FRMD5: variants seen among roughly 807,000 people sequenced by gnomAD.
The protein encoded by FRMD5 is FERM domain-containing protein 5.
FRMD5 carries 20 observed loss-of-function variants against 69.0 expected under a neutral mutation model. The ratio of observed to expected loss-of-function variants is 0.29; its 90% CI spans 0.20 to 0.42. FRMD5 has a LOEUF of 0.42. FRMD5 is among the 10% of genes least tolerant of loss of function. FRMD5 has a pLI of 1.00. For synonymous variants in FRMD5, 271 were observed against 260.1 expected (o/e 1.04, Z -0.40); for missense variants, 595 against 708.6 (o/e 0.84, Z 1.82).
chr15:44,065,147 A>G (rs1453966297), intron 1 of FRMD5, among the ~76,000 whole-genome samples: 1 of 152,224 alleles, frequency 6.6e-6, no homozygotes, highest in Non-Finnish European at 1.5e-5. Flanking sequence ...AATAACTCAC[A>G]AAGTTGCTAT....
At chr15:43,906,273 C>T (rs1365539470) in intron 5 of FRMD5, among the ~76,000 whole-genome samples, 1 of 152,148 alleles carries the variant, frequency 6.6e-6, no homozygotes, top group Non-Finnish European at 1.5e-5. Context: ...ATCCATTCCG[C>T]CATGAGAAGA....
At chr15:43,963,928 GAT>G (rs1372367652) in intron 1 of FRMD5, among the ~76,000 whole-genome samples, 1 of 152,042 alleles carries the variant, frequency 6.6e-6, no homozygotes, top group Non-Finnish European at 1.5e-5. Context: ...AGGGCGGAGG[GAT>G]AGCATTAGGT....
At chr15:44,077,827 T>C (rs953037312) in intron 1 of FRMD5, among the ~76,000 whole-genome samples, 1 of 152,116 alleles carries the variant, frequency 6.6e-6, no homozygotes, top group Non-Finnish European at 1.5e-5. Context: ...CTATGGAAAG[T>C]AACTGTGCTA....
At chr15:44,141,023 A>AT (rs1329114556) in intron 1 of FRMD5, among the ~76,000 whole-genome samples, 3 of 152,072 alleles carry the variant, frequency 2.0e-5, no homozygotes, top group African/African-American at 2.4e-5. Flanking sequence ...AGAAAATGTA[A>AT]TTTTTTAAAA....
intron 1 of FRMD5, among the ~76,000 whole-genome samples, chr15:43,971,321 ATATT>A (rs1225084624): frequency 2.0e-5 from 3 of 152,154 alleles, no homozygotes; most frequent in South Asian, 4.1e-4. Context: ...TCATTTTAAA[ATATT>A]TGTTTTCTGT....
intron 4 of FRMD5, among the ~76,000 whole-genome samples, chr15:43,913,314 G>A (rs978862047): frequency 6.6e-6 from 1 of 152,230 alleles, no homozygotes; most frequent in Non-Finnish European, 1.5e-5. Context: ...AACTAGATGG[G>A]AAGAGGGAAA....
At chr15:44,087,769 T>G (rs1894263574) in intron 1 of FRMD5, among the ~76,000 whole-genome samples, 1 of 151,116 alleles carries the variant, frequency 6.6e-6, no homozygotes. Flanking sequence ...ATCATCATCA[T>G]CATCATCATC....
intron 1 of FRMD5, among the ~76,000 whole-genome samples, chr15:44,020,328 G>A (rs1891159469): frequency 6.6e-6 from 1 of 152,084 alleles, no homozygotes; most frequent in African/African-American, 2.4e-5. Context: ...TATTGTAGCA[G>A]CATAGGTCTG....
upstream of FRMD5, among the ~76,000 whole-genome samples, chr15:44,197,803 G>C (rs779130929): frequency 1.3e-5 from 2 of 152,122 alleles, no homozygotes; most frequent in African/African-American, 4.8e-5. Context: ...CAAGCTAGAG[G>C]AAGTCCATAA....
chr15:44,139,977 C>A (rs183381296), intron 1 of FRMD5, among the ~76,000 whole-genome samples: 2 of 151,958 alleles, frequency 1.3e-5, no homozygotes, highest in East Asian at 1.9e-4. Context: ...AATCTGAACA[C>A]AACAGTAAGT....
chr15:43,964,051 TATA>T (rs911058123), intron 1 of FRMD5, among the ~76,000 whole-genome samples: 17 of 151,236 alleles, frequency 1.1e-4, no homozygotes, highest in African/African-American at 3.2e-4. Context: ...AAACTTAAAG[TATA>T]ATAATAATAA....
At chr15:44,068,495 G>C (rs891416241) in intron 1 of FRMD5, among the ~76,000 whole-genome samples, 1 of 152,052 alleles carries the variant, frequency 6.6e-6, no homozygotes, top group Non-Finnish European at 1.5e-5. Flanking sequence ...AGACACAAAA[G>C]GCCACTTAGT....
intron 1 of FRMD5, among the ~76,000 whole-genome samples, chr15:44,041,131 T>C (rs879154193): frequency 3.4e-5 from 5 of 147,778 alleles, no homozygotes; most frequent in African/African-American, 1.3e-4. Context: ...AAGGGATCAA[T>C]GCAACAAGAA....
chr15:44,155,381 G>A (rs544777081), intron 1 of FRMD5, among the ~76,000 whole-genome samples: 4 of 150,226 alleles, frequency 2.7e-5, no homozygotes, highest in Non-Finnish European at 4.4e-5. Context: ...GCAGTGGGCC[G>A]AGATCACACC....
chr15:44,083,867 A>C (rs1202481404), intron 1 of FRMD5, among the ~76,000 whole-genome samples: 1 of 152,052 alleles, frequency 6.6e-6, no homozygotes, highest in African/African-American at 2.4e-5. Context: ...GCACCAGGGT[A>C]AGTTTTGTAG....
At chr15:44,175,146 C>G (rs2077872163) in intron 1 of FRMD5, among the ~76,000 whole-genome samples, 1 of 152,096 alleles carries the variant, frequency 6.6e-6, no homozygotes, top group African/African-American at 2.4e-5. Context: ...AACAATTTAT[C>G]ACCTGGAAAT....
chr15:44,060,313 A>C (rs1382917244), intron 1 of FRMD5, among the ~76,000 whole-genome samples: 1 of 152,206 alleles, frequency 6.6e-6, no homozygotes, highest in Non-Finnish European at 1.5e-5. Context: ...TAGTATCCAC[A>C]CTAGGTGGAT....
At chr15:44,014,216 G>T (rs747964183) in intron 1 of FRMD5, among the ~76,000 whole-genome samples, 5 of 152,126 alleles carry the variant, frequency 3.3e-5, no homozygotes, top group African/African-American at 9.7e-5. Context: ...GGTCACAGAA[G>T]ACTGCAGCTG....
At chr15:44,018,879 T>A (rs551568768) in intron 1 of FRMD5, among the ~76,000 whole-genome samples, 2 of 152,156 alleles carry the variant, frequency 1.3e-5, no homozygotes, top group South Asian at 4.2e-4. Context: ...TAACAGTCGA[T>A]GTGGGTATAC....
Sources: allele counts gnomAD v4.1 joint callset (sites outside exome capture counted in the v4.1 genomes callset), GRCh38; gene constraint gnomAD v4.1.1; transcripts MANE v1.5; gene names NCBI Gene and HGNC (gene_info 2026-07-23, HGNC 2026-07-21).